Variants in ARHGAP26 observed in about 807,000 individuals in gnomAD.
ARHGAP26 encodes Rho GTPase activating protein 26, also known as rho GTPase-activating protein 26.
Under a neutral mutation model 104.8 loss-of-function variants are expected in ARHGAP26, and 38 were observed. That is an observed-to-expected ratio of 0.36 (90% CI 0.28 to 0.48). ARHGAP26 has a LOEUF of 0.48. ARHGAP26 is among the 20% of genes least tolerant of loss of function. The pLI is 0.99. For missense variants in ARHGAP26, 704 were observed against 947.9 expected (o/e 0.74, Z 3.38); for synonymous variants, 341 against 340.0 (o/e 1.00, Z -0.03).
intron 1 of ARHGAP26, among the ~76,000 whole-genome samples, chr5:142,855,377 A>T (rs1038071678): frequency 1.3e-5 from 2 of 152,150 alleles, no homozygotes; most frequent in Non-Finnish European, 2.9e-5. Flanking sequence ...AGATGAAATG[A>T]AGTGGAGGTT....
chr5:143,009,311 T>C (rs371430141), intron 11 of ARHGAP26, among the ~76,000 whole-genome samples: 11 of 152,342 alleles, frequency 7.2e-5, no homozygotes, highest in African/African-American at 2.4e-4. Flanking sequence ...ATCATCATCG[T>C]CGTCATTGTC....
intron 11 of ARHGAP26, among the ~76,000 whole-genome samples, chr5:143,009,361 T>C (rs1778428159): frequency 6.6e-6 from 1 of 152,170 alleles, no homozygotes; most frequent in African/African-American, 2.4e-5. Context: ...ATGTGGTTAG[T>C]GGTTAAGTGC....
Position 143,228,004 on chromosome 5 carries a change from A to G in ARHGAP26, c.*5558A>G, listed in dbSNP as rs774649645. ...AGACCTAGACCCTTGTGTGGGTATGACATGACATGACATGTCCATGTCAAA... is the reference window on the plus strand; with the variant it reads ...AGACCTAGACCCTTGTGTGGGTATGGCATGACATGACATGTCCATGTCAAA... On this transcript the variant is annotated 3_prime_UTR_variant, in exon 23 of 23. Coordinates refer to ENST00000645722, the MANE Select transcript of ARHGAP26 (RefSeq NM_001135608.3). 1.0e-4 allele frequency: 22 copies of G among 217,370 alleles called. No individual in the cohort carries two copies. Among genetic ancestry groups the G allele is most frequent in the South Asian group, 3.7e-4 (2 of 5,394 alleles). The allele number at this position is 217,370 out of a possible 1,614,324, so 13.5% of individuals were successfully genotyped here. A position where few individuals can be genotyped will look rare whatever the true frequency, so the allele number is the denominator to read the frequency against.
chr5:143,037,381 G>A, intron 13 of ARHGAP26, 120 bp downstream of exon 13: 1 of 712,938 alleles, frequency 1.4e-6, no homozygotes, highest in Non-Finnish European at 2.1e-6. Flanking sequence ...AAGTGCCATT[G>A]TCAGTGGATT....
At chr5:142,952,707 A>T (rs999155672) in intron 11 of ARHGAP26, among the ~76,000 whole-genome samples, 12 of 152,050 alleles carry the variant, frequency 7.9e-5, no homozygotes, top group Admixed American at 6.6e-4. Flanking sequence ...TTAGCATCCC[A>T]GCTAAAAAAT....
chr5:143,021,654 T>G (rs1780353226), intron 12 of ARHGAP26, among the ~76,000 whole-genome samples: 1 of 152,316 alleles, frequency 6.6e-6, no homozygotes, highest in Non-Finnish European at 1.5e-5. Flanking sequence ...TTCTGTAAAA[T>G]GGGGATAATA....
intron 1 of ARHGAP26, among the ~76,000 whole-genome samples, chr5:142,795,769 T>C (rs1027145700): frequency 6.6e-6 from 1 of 152,206 alleles, no homozygotes; most frequent in African/African-American, 2.4e-5. Flanking sequence ...GGTAGATGGA[T>C]GTCACCAGGT....
At chr5:142,902,646 ATTC>A (rs765042578) in intron 7 of ARHGAP26, among the ~76,000 whole-genome samples, 8 of 152,158 alleles carry the variant, frequency 5.3e-5, no homozygotes, top group African/African-American at 9.7e-5. Context: ...GGACCATGTT[ATTC>A]TTCTTATTTT....
intron 11 of ARHGAP26, chr5:142,969,399 A>ATCTGG: frequency 6.6e-6 from 1 of 152,266 alleles, no homozygotes; most frequent in East Asian, 1.9e-4. Context: ...TTTTCTCTCC[A>ATCTGG]TCTGGCCAGG....
At chr5:143,174,212 G>A (rs1264307786) in intron 20 of ARHGAP26, among the ~76,000 whole-genome samples, 3 of 152,218 alleles carry the variant, frequency 2.0e-5, no homozygotes, top group Non-Finnish European at 4.4e-5. Context: ...TCAGTGTTAA[G>A]GATCCGGTTG....
intron 11 of ARHGAP26, among the ~76,000 whole-genome samples, chr5:142,955,743 A>G (rs1769135898): frequency 6.6e-6 from 1 of 152,210 alleles, no homozygotes. Flanking sequence ...TAGGCCTTTA[A>G]TAGGGAAAAT....
chr5:143,213,649 C>T (rs978273712), intron 21 of ARHGAP26, among the ~76,000 whole-genome samples: 1 of 152,186 alleles, frequency 6.6e-6, no homozygotes, highest in African/African-American at 2.4e-5. Flanking sequence ...CCTGCCCCTG[C>T]TTCCCTCCCT....
chr5:143,107,319 G>C (rs1307431191), intron 17 of ARHGAP26, among the ~76,000 whole-genome samples: 1 of 152,156 alleles, frequency 6.6e-6, no homozygotes, highest in Admixed American at 6.5e-5. Flanking sequence ...TTTGCTCAAG[G>C]ATCTGGTATT....
intron 10 of ARHGAP26, among the ~76,000 whole-genome samples, chr5:142,931,291 G>C (rs993753837): frequency 6.6e-6 from 1 of 152,128 alleles, no homozygotes; most frequent in Admixed American, 6.5e-5. Flanking sequence ...GCTTTCAGCC[G>C]CTTCTCCCAA....
At position 143,224,440 on chromosome 5, in the gene ARHGAP26, A is replaced by G. The variant is rs986601972; in HGVS notation, c.*1994A>G. ...GGAGATGGGAAGAGCATCTCCAGGC[A>G]ATGAGTTTTTCAAAGAATGCCTACT... is the stretch of plus-strand genomic sequence containing the variant. On this transcript the variant is annotated 3_prime_UTR_variant, in exon 23 of 23. Transcript: ENST00000645722. 16 of 228,880 alleles carry G rather than the reference A, an allele frequency of 7.0e-5. No individual in the cohort carries two copies. The highest frequency in any genetic ancestry group is 3.5e-4 in the African/African-American group (16 of 45,080). The allele number at this position is 228,880 out of a possible 1,614,324, so 14.2% of individuals were successfully genotyped here.
chr5:143,158,113 C>T (rs188525567), intron 20 of ARHGAP26, among the ~76,000 whole-genome samples: 16 of 152,250 alleles, frequency 1.1e-4, no homozygotes, highest in African/African-American at 3.6e-4. Context: ...TTCTTATTTG[C>T]TCTCAGACTG....
Position 143,226,538 on chromosome 5 carries a change from C to G in ARHGAP26, c.*4092C>G, listed in dbSNP as rs1171522494. The G allele has an allele frequency of 1.6e-5, 3 of 190,572 alleles. No individual in the cohort carries two copies. The highest frequency in any genetic ancestry group is 7.1e-5 in the African/African-American group (3 of 42,426). The allele number at this position is 190,572 out of a possible 1,614,324, so 11.8% of individuals were successfully genotyped here. A position where few individuals can be genotyped will look rare whatever the true frequency, so the allele number is the denominator to read the frequency against. On this transcript the variant is annotated 3_prime_UTR_variant, in exon 23 of 23. Transcript: ENST00000645722. ...CATGCCAGGAGAAGACAGCTGGTTT[C>G]AAATCCCTGCCCCCAGGCAAGTAAA...
chr5:142,882,227 C>T (rs1020051989), intron 4 of ARHGAP26, among the ~76,000 whole-genome samples: 2 of 152,152 alleles, frequency 1.3e-5, no homozygotes, highest in African/African-American at 4.8e-5. Flanking sequence ...TGCCTGTTTC[C>T]TGATCTCTAA....
At chr5:142,922,816 C>T (rs1345966048) in intron 10 of ARHGAP26, among the ~76,000 whole-genome samples, 1 of 152,142 alleles carries the variant, frequency 6.6e-6, no homozygotes, top group African/African-American at 2.4e-5. Flanking sequence ...TTTCAGACTT[C>T]CCCTCCCTCC....
Sources: allele counts gnomAD v4.1 joint callset (sites outside exome capture counted in the v4.1 genomes callset), GRCh38; gene constraint gnomAD v4.1.1; transcripts MANE v1.5; gene names NCBI Gene and HGNC (gene_info 2026-07-23, HGNC 2026-07-21).